HS6ST3: variants seen among roughly 807,000 people sequenced by gnomAD.
HS6ST3 encodes the protein heparan-sulfate 6-O-sulfotransferase 3.
HS6ST3 carries 12 observed loss-of-function variants against 36.7 expected under a neutral mutation model. The ratio of observed to expected loss-of-function variants is 0.33; its 90% CI spans 0.21 to 0.53. HS6ST3 has a LOEUF of 0.53. Ranked by LOEUF, HS6ST3 falls within the 20% of genes least tolerant of loss-of-function variation. The pLI is 0.95. For synonymous variants in HS6ST3, 240 were observed against 257.5 expected, an observed-to-expected ratio of 0.93 and a Z score of 0.65; for missense variants, 584 against 640.9, an observed-to-expected ratio of 0.91 and a Z score of 0.96.
intron 1 of HS6ST3, among the ~76,000 whole-genome samples, chr13:96,509,854 G>A (rs892429333): frequency 5.3e-5 from 8 of 151,996 alleles, no homozygotes; most frequent in African/African-American, 1.9e-4. Context: ...TATAAATTTA[G>A]GATTGTTTTT....
At chr13:96,128,973 G>C (rs1171544587) in intron 1 of HS6ST3, among the ~76,000 whole-genome samples, 2 of 151,752 alleles carry the variant, frequency 1.3e-5, no homozygotes, top group African/African-American at 4.8e-5. Context: ...AGCCTCCCTA[G>C]TAGCTGGGAT....
intron 1 of HS6ST3, among the ~76,000 whole-genome samples, chr13:96,103,886 C>T (rs2053828911): frequency 6.6e-6 from 1 of 151,420 alleles, no homozygotes; most frequent in Non-Finnish European, 1.5e-5. Context: ...GTGCATAAGT[C>T]TTTCGCTTAG....
At chr13:96,832,462 C>T (rs1181002772) in intron 1 of HS6ST3, 28 bp from the exon 2 acceptor site, 7 of 1,494,660 alleles carry the variant, frequency 4.7e-6, no homozygotes, top group Non-Finnish European at 6.3e-6. Context: ...TTGTCAACTA[C>T]TGATGCTCTT....
intron 1 of HS6ST3, among the ~76,000 whole-genome samples, chr13:96,382,999 G>A (rs748686249): frequency 6.6e-6 from 1 of 152,280 alleles, no homozygotes; most frequent in East Asian, 1.9e-4. Context: ...AATAGCATAA[G>A]CTTTCTGAAT....
rs80317347 is a variant in HS6ST3 at position 96,275,952 on chromosome 13, C to T, written c.707+184383C>T. On this transcript the variant is annotated intron_variant, in intron 1 of 1. Coordinates refer to ENST00000376705, the MANE Select transcript of HS6ST3 (RefSeq NM_153456.4). ...CCTCTCCATGCCTGTTAAGCACAGC[C>T]TGGGTGTAGAGTTGTGGGTATGGGG... is the stretch of plus-strand genomic sequence containing the variant. 1.5e-3 allele frequency among the ~76,000 whole-genome samples: 231 copies of T among 151,994 alleles called. 3 individuals carry two copies. The East Asian group carries it at 0.031, about 20-fold the overall frequency.
chr13:96,678,456 T>C (rs1429213131), intron 1 of HS6ST3, among the ~76,000 whole-genome samples: 2 of 152,034 alleles, frequency 1.3e-5, no homozygotes, highest in African/African-American at 4.8e-5. Flanking sequence ...AGGTGGATCA[T>C]GAGGTCAGAA....
chr13:96,196,800 A>G (rs144097699), intron 1 of HS6ST3, among the ~76,000 whole-genome samples: 4 of 152,336 alleles, frequency 2.6e-5, no homozygotes, highest in Non-Finnish European at 4.4e-5. Flanking sequence ...TCTTTGTTAC[A>G]AGACCCCACT....
rs1566884915 is a variant in HS6ST3 at position 96,112,586 on chromosome 13, T to TATATATATATATAC, written c.707+21030_707+21031insCATATATATATATA. Among the ~76,000 whole-genome samples, 26 of 52,402 alleles carry TATATATATATATAC rather than the reference T, an allele frequency of 5.0e-4. 2 individuals carry two copies. The highest frequency in any genetic ancestry group is 9.2e-4 in the Non-Finnish European group (22 of 23,872). The allele number at this position is 52,402 out of a possible 152,430, so 34.4% of individuals were successfully genotyped here. ...CATCTCTAAAATAAATAAATATATA[T>TATATATATATATAC]ATATATATATATATATATATATATA... On this transcript the variant is annotated intron_variant, in intron 1 of 1. Transcript: ENST00000376705.
chr13:96,410,798 A>T (rs968404383), intron 1 of HS6ST3, among the ~76,000 whole-genome samples: 12 of 152,262 alleles, frequency 7.9e-5, no homozygotes, highest in Non-Finnish European at 1.8e-4. Context: ...AAATAACAAG[A>T]CTGGAAGCAA....
At chr13:96,293,747 T>C (rs2054841351) in intron 1 of HS6ST3, among the ~76,000 whole-genome samples, 1 of 152,120 alleles carries the variant, frequency 6.6e-6, no homozygotes, top group African/African-American at 2.4e-5. Context: ...TGGAGCATAT[T>C]GGTAAGAGAA....
At chr13:96,320,359 A>T (rs1374218225) in intron 1 of HS6ST3, among the ~76,000 whole-genome samples, 1 of 152,150 alleles carries the variant, frequency 6.6e-6, no homozygotes, top group Non-Finnish European at 1.5e-5. Context: ...GAGATACTGA[A>T]CCTTCACAGT....
At chr13:96,163,751 T>C (rs1430734200) in intron 1 of HS6ST3, among the ~76,000 whole-genome samples, 1 of 152,190 alleles carries the variant, frequency 6.6e-6, no homozygotes, top group African/African-American at 2.4e-5. Context: ...ATTATTAAAG[T>C]ACTACTGCAC....
At chr13:96,354,510 C>A (rs1346309235) in intron 1 of HS6ST3, among the ~76,000 whole-genome samples, 1 of 151,828 alleles carries the variant, frequency 6.6e-6, no homozygotes, top group Non-Finnish European at 1.5e-5. Context: ...AAATTAATAC[C>A]TAATTAAAAA....
At chr13:96,598,951 T>C (rs1413542233) in intron 1 of HS6ST3, among the ~76,000 whole-genome samples, 1 of 152,156 alleles carries the variant, frequency 6.6e-6, no homozygotes, top group Admixed American at 6.6e-5. Context: ...GTTTTAATCC[T>C]GTTTATGTGT....
At chr13:96,675,451 T>C (rs1566427033) in intron 1 of HS6ST3, among the ~76,000 whole-genome samples, 1 of 152,080 alleles carries the variant, frequency 6.6e-6, no homozygotes, top group Non-Finnish European at 1.5e-5. Flanking sequence ...AAAAGATATA[T>C]TTATTTTTGT....
At chr13:96,442,114 C>T (rs1344045971) in intron 1 of HS6ST3, among the ~76,000 whole-genome samples, 6 of 151,848 alleles carry the variant, frequency 4.0e-5, no homozygotes, top group Admixed American at 1.3e-4. Context: ...CTTGACCTCC[C>T]GTGTTCAGGT....
chr13:96,394,456 A>G (rs1238690871), intron 1 of HS6ST3, among the ~76,000 whole-genome samples: 1 of 152,108 alleles, frequency 6.6e-6, no homozygotes, highest in Non-Finnish European at 1.5e-5. Flanking sequence ...TCCTGCATTC[A>G]TTTTGACTCT....
intron 1 of HS6ST3, among the ~76,000 whole-genome samples, chr13:96,818,477 T>C (rs1273542017): frequency 6.6e-6 from 1 of 152,202 alleles, no homozygotes; most frequent in Non-Finnish European, 1.5e-5. Flanking sequence ...AATGAGTTAC[T>C]AGCCCTGCTT....
intron 1 of HS6ST3, among the ~76,000 whole-genome samples, chr13:96,798,555 G>A (rs1184998910): frequency 6.6e-6 from 1 of 152,044 alleles, no homozygotes; most frequent in Non-Finnish European, 1.5e-5. Context: ...CAACATCACA[G>A]GGATCCTATA....
Sources: allele counts gnomAD v4.1 joint callset (sites outside exome capture counted in the v4.1 genomes callset), GRCh38; gene constraint gnomAD v4.1.1; transcripts MANE v1.5; gene names NCBI Gene and HGNC (gene_info 2026-07-23, HGNC 2026-07-21).